Variants in RFX7 observed in about 807,000 individuals in gnomAD.
The protein encoded by RFX7 is regulatory factor X7, also known as DNA-binding protein RFX7.
In RFX7, 26 loss-of-function variants were observed where a neutral mutation model predicts 111.8. The observed-to-expected ratio is 0.23, with a 90% CI of 0.17 to 0.32. The LOEUF is 0.32. Ranked by LOEUF, RFX7 falls within the 10% of genes least tolerant of loss-of-function variation. RFX7 has a pLI of 1.00. For synonymous variants in RFX7, 624 were observed against 624.4 expected, an observed-to-expected ratio of 1.00 and a Z score of 0.01; for missense variants, 1,573 against 1,772.9, an observed-to-expected ratio of 0.89 and a Z score of 2.02.
At chr15:56,228,109 G>C (rs935917469) in intron 2 of RFX7, among the ~76,000 whole-genome samples, 8 of 151,876 alleles carry the variant, frequency 5.3e-5, no homozygotes, top group African/African-American at 1.9e-4. Flanking sequence ...AGGTACAGTG[G>C]TTTTTTTCTC....
At chr15:56,116,985 C>G (rs2042016975) in intron 5 of RFX7, among the ~76,000 whole-genome samples, 1 of 152,002 alleles carries the variant, frequency 6.6e-6, no homozygotes, top group African/African-American at 2.4e-5. Context: ...GCATTAGAAG[C>G]CAGGACAGAG....
intron 2 of RFX7, among the ~76,000 whole-genome samples, chr15:56,197,905 A>T (rs2043160335): frequency 6.6e-6 from 1 of 152,118 alleles, no homozygotes. Context: ...CTCCCCCAGG[A>T]TGAGAATATG....
chr15:56,243,369 G>A (rs1315465004), intron 1 of RFX7, 76 bp downstream of exon 1: 4 of 887,908 alleles, frequency 4.5e-6, no homozygotes, highest in Admixed American at 4.5e-5. Context: ...GAGGACGAAG[G>A]GGGGAGAGGA....
At chr15:56,134,702 C>G (rs1442440755) in intron 5 of RFX7, among the ~76,000 whole-genome samples, 1 of 148,188 alleles carries the variant, frequency 6.7e-6, no homozygotes, top group African/African-American at 2.5e-5. Context: ...ATGTGCCATG[C>G]TGGTGCACTG....
intron 2 of RFX7, among the ~76,000 whole-genome samples, chr15:56,237,005 C>G (rs1317204394): frequency 1.3e-5 from 2 of 151,842 alleles, no homozygotes; most frequent in Non-Finnish European, 2.9e-5. Context: ...AGCTAACACC[C>G]AAGGAAACAC....
intron 5 of RFX7, among the ~76,000 whole-genome samples, chr15:56,138,918 G>T (rs372036238): frequency 5.3e-5 from 8 of 152,194 alleles, no homozygotes; most frequent in East Asian, 3.9e-4. Flanking sequence ...GAAAATTCTT[G>T]TCTTTAAGAA....
intron 3 of RFX7, among the ~76,000 whole-genome samples, chr15:56,158,907 C>T (rs1465407191): frequency 6.6e-6 from 1 of 152,192 alleles, no homozygotes; most frequent in African/African-American, 2.4e-5. Flanking sequence ...ATAATAGACA[C>T]CATTCTGTGC....
At chr15:56,119,848 T>C (rs1289317704) in intron 5 of RFX7, among the ~76,000 whole-genome samples, 8 of 151,942 alleles carry the variant, frequency 5.3e-5, no homozygotes, top group Non-Finnish European at 2.9e-5. Flanking sequence ...CTGGGTTCTC[T>C]ATTCTGTTCT....
At chr15:56,170,791 C>T (rs1161311510) in intron 3 of RFX7, among the ~76,000 whole-genome samples, 1 of 152,140 alleles carries the variant, frequency 6.6e-6, no homozygotes, top group Non-Finnish European at 1.5e-5. Flanking sequence ...AACATTTCTA[C>T]CACCACAGAA....
At chr15:56,214,779 G>C (rs1285667014) in intron 2 of RFX7, among the ~76,000 whole-genome samples, 2 of 149,626 alleles carry the variant, frequency 1.3e-5, no homozygotes, top group Non-Finnish European at 3.0e-5. Context: ...TTATTTCCAA[G>C]AACCTACTTG....
chr15:56,189,276 T>C (rs993804085), intron 2 of RFX7, among the ~76,000 whole-genome samples: 1 of 152,168 alleles, frequency 6.6e-6, no homozygotes, highest in Non-Finnish European at 1.5e-5. Context: ...AGCCCTTAGC[T>C]ACTTGGAGGC....
intron 2 of RFX7, among the ~76,000 whole-genome samples, chr15:56,205,934 AAATT>A (rs2043246548): frequency 6.6e-6 from 1 of 152,228 alleles, no homozygotes; most frequent in African/African-American, 2.4e-5. Flanking sequence ...AAAACCCAGA[AAATT>A]AACAAGTGTT....
At chr15:56,178,207 ACAC>A (rs1432480313) in intron 3 of RFX7, among the ~76,000 whole-genome samples, 7 of 145,202 alleles carry the variant, frequency 4.8e-5, no homozygotes, top group South Asian at 4.5e-4. Flanking sequence ...ACACACACAC[ACAC>A]AACAAAAAGA....
intron 2 of RFX7, among the ~76,000 whole-genome samples, chr15:56,185,296 G>A (rs2043026644): frequency 6.6e-6 from 1 of 152,180 alleles, no homozygotes; most frequent in Non-Finnish European, 1.5e-5. Flanking sequence ...TGGTTTTCAT[G>A]ATGAAAACTT....
chr15:56,106,695 T>C (rs895127306), intron 5 of RFX7, among the ~76,000 whole-genome samples: 2 of 152,190 alleles, frequency 1.3e-5, no homozygotes, highest in Non-Finnish European at 2.9e-5. Flanking sequence ...GAAAAAGAAT[T>C]TCAATAGGAC....
Position 56,129,969 on chromosome 15 carries a change from A to C in RFX7, c.401+12809T>G, listed in dbSNP as rs530692333. Among the ~76,000 whole-genome samples, 33 of 152,310 alleles carry C rather than the reference A, an allele frequency of 2.2e-4. 1 individual carries two copies. The South Asian group carries it at 6.4e-3, about 30-fold the overall frequency. ...CTGAAAACTCCCTATCCTGTAATAC[A>C]GTTAATTTTCTTATATGTACTTGCA... On this transcript the variant is annotated intron_variant, in intron 5 of 9. Transcript: ENST00000559447.
At chr15:56,170,331 G>A (rs1179484549) in intron 3 of RFX7, among the ~76,000 whole-genome samples, 32 of 152,234 alleles carry the variant, frequency 2.1e-4, no homozygotes, top group Admixed American at 2.0e-3. Flanking sequence ...TATCTAAGAC[G>A]AATCCTAAAC....
chr15:56,095,605 G>A lies in RFX7; in HGVS notation c.2123C>T (p.Ser708Leu). 1 of 1,613,958 alleles carries A rather than the reference G, an allele frequency of 6.2e-7. No homozygotes were observed. Among genetic ancestry groups the A allele is most frequent in the East Asian group, 2.2e-5 (1 of 44,886 alleles). ...KVPHSGKTEG[S>L]TAGAQIPSKV... ...GCTAGGAATCTGAGCACCTGCTGTT[G>A]AACCTTCTGTTTTCCCTGAATGTGG... The change falls in exon 10 of 10, where the codon TCA (serine) becomes TTA (leucine). Residue 708 changes from serine (S) to leucine (L), a missense_variant. By Grantham distance (145) the Ser-to-Leu change is moderately radical. Transcript: ENST00000559447.
intron 3 of RFX7, among the ~76,000 whole-genome samples, chr15:56,170,252 G>C (rs554767677): frequency 4.6e-5 from 7 of 152,264 alleles, no homozygotes; most frequent in Non-Finnish European, 1.0e-4. Flanking sequence ...AATAAGGTAA[G>C]GATATAATGG....
Sources: allele counts gnomAD v4.1 joint callset (sites outside exome capture counted in the v4.1 genomes callset), GRCh38; gene constraint gnomAD v4.1.1; transcripts MANE v1.5; gene names NCBI Gene and HGNC (gene_info 2026-07-23, HGNC 2026-07-21).